Variants in PABPC1L observed in about 807,000 individuals in gnomAD.
PABPC1L encodes poly(A) binding protein cytoplasmic 1 like.
In PABPC1L, 31 loss-of-function variants were observed where a neutral mutation model predicts 66.6. That is an observed-to-expected ratio of 0.47 (90% CI 0.35 to 0.63). The LOEUF is 0.63. Ranked by LOEUF, PABPC1L falls within the 20% of genes least tolerant of loss-of-function variation. PABPC1L has a pLI of 0.00. For synonymous variants in PABPC1L, 348 were observed against 335.1 expected (o/e 1.04, Z -0.42); for missense variants, 722 against 848.8 (o/e 0.85, Z 1.86).
chr20:44,925,010 G>A (rs568894086), intron 7 of PABPC1L, among the ~76,000 whole-genome samples: 2 of 145,664 alleles, frequency 1.4e-5, no homozygotes, highest in East Asian at 1.9e-4. Flanking sequence ...TCAGGAGATC[G>A]AGACCATCCT....
chr20:44,930,834 C>A, intron 8 of PABPC1L, 108 bp downstream of exon 8: 1 of 1,425,020 alleles, frequency 7.0e-7, no homozygotes, highest in Non-Finnish European at 9.4e-7. Context: ...TTGCTTCTGC[C>A]GAGGACTCAT....
At chr20:44,928,807 T>C (rs945974824) in intron 7 of PABPC1L, among the ~76,000 whole-genome samples, 13 of 135,128 alleles carry the variant, frequency 9.6e-5, no homozygotes, top group African/African-American at 3.7e-4. Flanking sequence ...GAGGGTGCAG[T>C]TGAGCTGAGA....
chr20:44,922,137 G>C (rs2066778552), intron 6 of PABPC1L, among the ~76,000 whole-genome samples: 1 of 152,120 alleles, frequency 6.6e-6, no homozygotes, highest in Non-Finnish European at 1.5e-5. Context: ...TCCAAAAGTT[G>C]GAATGTTGGA....
chr20:44,911,263 A>T (rs1046148125), intron 1 of PABPC1L, among the ~76,000 whole-genome samples: 1 of 152,176 alleles, frequency 6.6e-6, no homozygotes, highest in African/African-American at 2.4e-5. Context: ...CAGGAGTTCG[A>T]GACCAGCCTG....
At chr20:44,934,019 T>G (rs981775760) in intron 10 of PABPC1L, among the ~76,000 whole-genome samples, 5 of 152,186 alleles carry the variant, frequency 3.3e-5, no homozygotes, top group Non-Finnish European at 7.3e-5. Context: ...CCCAAAGTGC[T>G]GGGATTACAG....
intron 6 of PABPC1L, among the ~76,000 whole-genome samples, chr20:44,922,744 A>G (rs889501768): frequency 5.9e-5 from 9 of 152,150 alleles, no homozygotes; most frequent in African/African-American, 2.2e-4. Flanking sequence ...TCCACACAAA[A>G]CACGCACACA....
intron 9 of PABPC1L, 166 bp downstream of exon 9, chr20:44,932,598 G>A (rs2066869578): frequency 1.7e-5 from 10 of 589,650 alleles, no homozygotes; most frequent in Non-Finnish European, 3.0e-5. Context: ...AATGAGACGT[G>A]TGTAAAGTAC....
At chr20:44,928,177 G>A (rs2066823813) in intron 7 of PABPC1L, among the ~76,000 whole-genome samples, 1 of 152,036 alleles carries the variant, frequency 6.6e-6, no homozygotes, top group African/African-American at 2.4e-5. Context: ...CAAGAACCTG[G>A]GTTCTGCCTC....
chr20:44,917,834 G>T (rs1019030912), intron 3 of PABPC1L, among the ~76,000 whole-genome samples: 2 of 152,160 alleles, frequency 1.3e-5, no homozygotes, highest in Non-Finnish European at 2.9e-5. Flanking sequence ...GCTTTTCCCA[G>T]TTCTCAGAAG....
chr20:44,922,478 T>C (rs1044887868), intron 6 of PABPC1L, among the ~76,000 whole-genome samples: 5 of 152,068 alleles, frequency 3.3e-5, no homozygotes, highest in African/African-American at 1.2e-4. Flanking sequence ...CCTTGTGATC[T>C]GCCCGCCTCA....
intron 6 of PABPC1L, 83 bp from the exon 7 acceptor site, chr20:44,924,078 A>C: frequency 8.8e-7 from 1 of 1,131,874 alleles, no homozygotes; most frequent in Non-Finnish European, 1.3e-6. Flanking sequence ...TGCCCCTTGT[A>C]CCTGCGTCAG....
intron 5 of PABPC1L, among the ~76,000 whole-genome samples, chr20:44,920,538 G>A (rs531512494): frequency 8.7e-4 from 132 of 151,852 alleles, no homozygotes; most frequent in African/African-American, 3.1e-3. Flanking sequence ...ACGTGATCTC[G>A]GCTCATTGCA....
In PABPC1L at chr20:44,937,436, A is replaced by T. The variant is rs568541272; in HGVS notation, c.1661-625A>T. ...CGAAATTTTTTTTTTTTTCCCTGAG[A>T]TGGAGTCTTGCTCTGCTGCCCCGGC... is the stretch of plus-strand genomic sequence containing the variant. On this transcript the variant is annotated intron_variant, in intron 12 of 14. Coordinates refer to ENST00000217073, the MANE Select transcript of PABPC1L (RefSeq NM_001372179.1). Among the ~76,000 whole-genome samples, 16 of 149,892 alleles carry T rather than the reference A, an allele frequency of 1.1e-4. No homozygotes were observed. The South Asian group carries it at 3.0e-3, about 28-fold the overall frequency.
chr20:44,912,889 G>A (rs200879148), intron 2 of PABPC1L, 36 bp downstream of exon 2: 453 of 1,552,190 alleles, frequency 2.9e-4, no homozygotes, highest in Non-Finnish European at 3.3e-4. Context: ...TGGGTAGATC[G>A]GTGTCAACTA....
intron 12 of PABPC1L, 138 bp downstream of exon 12, chr20:44,936,868 G>A (rs535111251): frequency 6.9e-6 from 6 of 867,002 alleles, no homozygotes; most frequent in East Asian, 2.7e-5. Flanking sequence ...CTGGGTGACC[G>A]TGGCCAAGCT....
At position 44,932,395 on chromosome 20, in the gene PABPC1L, T is replaced by A. The variant is rs1197143033; in HGVS notation, c.1293T>A (p.Pro431=). ...YGCGPVTPTQ[P]APRWTSQPPR... is the part of the protein sequence containing the mutation. ...GTGGCCCAGTGACACCCACCCAGCC[T>A]GCCCCCAGGTGGACATCCCAGCCAC... is the stretch of plus-strand genomic sequence containing the variant. The change falls in exon 9 of 15, where the codon CCT becomes CCA. Residue 431 remains proline, a synonymous_variant. Coordinates refer to ENST00000217073, the MANE Select transcript of PABPC1L (RefSeq NM_001372179.1). The A allele has an allele frequency of 1.2e-6, 2 of 1,613,752 alleles. No homozygotes were observed. Among genetic ancestry groups the A allele is most frequent in the Non-Finnish European group, 1.7e-6 (2 of 1,179,768 alleles).
intron 6 of PABPC1L, among the ~76,000 whole-genome samples, chr20:44,922,357 C>A (rs1409636776): frequency 6.6e-6 from 1 of 152,158 alleles, no homozygotes; most frequent in Non-Finnish European, 1.5e-5. Flanking sequence ...AAAGTCTCAG[C>A]CTCCCAAGTA....
intron 1 of PABPC1L, among the ~76,000 whole-genome samples, chr20:44,910,624 C>T (rs113849672): frequency 0.011 from 1,702 of 152,198 alleles, 36 homozygotes; most frequent in African/African-American, 0.039. Flanking sequence ...GGATAGAAGC[C>T]CAGCAGCCGT....
intron 4 of PABPC1L, 21 bp from the exon 5 acceptor site, chr20:44,919,162 A>T: frequency 6.2e-7 from 1 of 1,614,012 alleles, no homozygotes; most frequent in Non-Finnish European, 8.5e-7. Flanking sequence ...CTCCCCTTTG[A>T]GCCAGGTTGG....
Sources: allele counts gnomAD v4.1 joint callset (sites outside exome capture counted in the v4.1 genomes callset), GRCh38; gene constraint gnomAD v4.1.1; transcripts MANE v1.5; gene names NCBI Gene and HGNC (gene_info 2026-07-23, HGNC 2026-07-21).